Variants in FBXL13 observed in about 807,000 individuals in gnomAD.
FBXL13 encodes the protein F-box and leucine rich repeat protein 13, also known as F-box and leucine-rich repeat protein 13.
Under a neutral mutation model 83.6 loss-of-function variants are expected in FBXL13, and 67 were observed. The observed-to-expected ratio is 0.80, with a 90% CI of 0.66 to 0.98. FBXL13 has a LOEUF of 0.98. Ranked by LOEUF, FBXL13 falls within the 50% of genes least tolerant of loss-of-function variation. The pLI is 0.00. For synonymous variants in FBXL13, 272 were observed against 299.5 expected, an observed-to-expected ratio of 0.91 and a Z score of 0.95; for missense variants, 822 against 866.5, an observed-to-expected ratio of 0.95 and a Z score of 0.64.
At chr7:102,979,142 T>G (rs763055239) in intron 6 of FBXL13, among the ~76,000 whole-genome samples, 9 of 152,218 alleles carry the variant, frequency 5.9e-5, no homozygotes, top group Non-Finnish European at 8.8e-5. Flanking sequence ...AGTTAATTGC[T>G]CTGATCCAAA....
chr7:102,909,138 C>T (rs182437893), intron 11 of FBXL13, among the ~76,000 whole-genome samples: 7 of 152,312 alleles, frequency 4.6e-5, no homozygotes, highest in Admixed American at 2.6e-4. Context: ...ACTCTTCTGC[C>T]CCTTTCCAAA....
At chr7:103,001,181 A>C (rs1348295197) in intron 6 of FBXL13, among the ~76,000 whole-genome samples, 2 of 151,668 alleles carry the variant, frequency 1.3e-5, no homozygotes, top group African/African-American at 4.8e-5. Context: ...GGCTGGTCTC[A>C]AACTCCCAGG....
At chr7:102,841,241 A>G (rs1802878243) in intron 17 of FBXL13, among the ~76,000 whole-genome samples, 2 of 151,680 alleles carry the variant, frequency 1.3e-5, no homozygotes, top group African/African-American at 4.8e-5. Context: ...CCTTCAGACA[A>G]TCTGACAGTT....
intron 18 of FBXL13, among the ~76,000 whole-genome samples, chr7:102,828,176 T>A (rs1800066879): frequency 1.3e-5 from 2 of 152,176 alleles, no homozygotes; most frequent in African/African-American, 4.8e-5. Flanking sequence ...CCTTGGGCAG[T>A]ATGGCCATTT....
intron 2 of FBXL13, among the ~76,000 whole-genome samples, chr7:103,040,596 T>C (rs1228071919): frequency 6.6e-6 from 1 of 152,096 alleles, no homozygotes; most frequent in African/African-American, 2.4e-5. Context: ...TCACCAGATG[T>C]AAAAGAACAG....
intron 11 of FBXL13, among the ~76,000 whole-genome samples, chr7:102,909,404 G>A (rs1180030450): frequency 2.0e-5 from 3 of 152,110 alleles, no homozygotes; most frequent in Non-Finnish European, 2.9e-5. Context: ...CTGTGGCCGT[G>A]CTGGTATCTA....
chr7:103,040,799 T>C (rs1357556697), intron 2 of FBXL13, among the ~76,000 whole-genome samples: 1 of 152,232 alleles, frequency 6.6e-6, no homozygotes, highest in Non-Finnish European at 1.5e-5. Context: ...AGACACAATG[T>C]ACCAGAATCT....
chr7:102,937,041 C>A (rs565069604), intron 8 of FBXL13, among the ~76,000 whole-genome samples: 55 of 152,220 alleles, frequency 3.6e-4, no homozygotes, highest in Non-Finnish European at 7.8e-4. Flanking sequence ...CCCATAAATT[C>A]ATACCCCCTG....
upstream of FBXL13, chr7:103,074,757 C>G: frequency 3.1e-6 from 4 of 1,289,822 alleles, no homozygotes; most frequent in Non-Finnish European, 4.0e-6. Flanking sequence ...GTTGGCATTG[C>G]GTAGCGAGGC....
Position 102,858,991 on chromosome 7 carries a change from G to T in FBXL13, c.1636-4131C>A, listed in dbSNP as rs558572593. 7.2e-5 allele frequency among the ~76,000 whole-genome samples: 11 copies of T among 152,080 alleles called. 1 individual carries two copies. In the South Asian group the frequency reaches 2.3e-3, roughly 32 times the overall value. On this transcript the variant is annotated intron_variant, in intron 16 of 19. Transcript: ENST00000313221. ...TATACTTTAAATTGGTGAGTTTTAT[G>T]GTACATGAATTATGTCTCAATAAAA...
exon 4 of FBXL13, chr7:103,028,659 T>C (rs1794191728): frequency 6.2e-7 from 1 of 1,603,172 alleles, no homozygotes; most frequent in African/African-American, 1.3e-5. Flanking sequence ...TACAGATTTT[T>C]GAAGTCTGAA....
At chr7:102,835,407 A>G (rs148325846) in intron 17 of FBXL13, among the ~76,000 whole-genome samples, 5 of 152,330 alleles carry the variant, frequency 3.3e-5, no homozygotes, top group East Asian at 1.9e-4. Context: ...TGGAGATTCA[A>G]TAAAAATGCA....
chr7:103,030,329 C>T (rs1362361310), intron 2 of FBXL13, among the ~76,000 whole-genome samples: 1 of 152,184 alleles, frequency 6.6e-6, no homozygotes, highest in East Asian at 1.9e-4. Flanking sequence ...ATGTGAAAAT[C>T]CTCACTTTTG....
chr7:102,973,117 C>T (rs1456767559), intron 6 of FBXL13: 1 of 173,886 alleles, frequency 5.8e-6, no homozygotes, highest in African/African-American at 2.4e-5. Context: ...CATGATTTCA[C>T]TTCTATGTGA....
intron 7 of FBXL13, among the ~76,000 whole-genome samples, chr7:102,967,104 G>A (rs1417282637): frequency 6.6e-6 from 1 of 152,062 alleles, no homozygotes; most frequent in African/African-American, 2.4e-5. Flanking sequence ...CGAGTAGCTG[G>A]GACTACAGGC....
chr7:102,968,169 C>G (rs1053358386), intron 6 of FBXL13, 52 bp from the exon 8 acceptor site: 2 of 1,235,732 alleles, frequency 1.6e-6, no homozygotes, highest in African/African-American at 3.0e-5. Context: ...TTTGATGTAA[C>G]TTGTCCACTT....
intron 11 of FBXL13, among the ~76,000 whole-genome samples, chr7:102,903,948 T>TA (rs1486912507): frequency 4.2e-5 from 6 of 143,382 alleles, no homozygotes; most frequent in South Asian, 2.2e-4. Context: ...TCTTTTTTTT[T>TA]TTTTTTTTTT....
intron 11 of FBXL13, among the ~76,000 whole-genome samples, chr7:102,903,939 C>CTTTTTTTTTTTTTTTTTTTTT (rs1166655004): frequency 1.8e-3 from 77 of 43,426 alleles, no homozygotes; most frequent in Non-Finnish European, 2.4e-3. Flanking sequence ...CTTTTCTTTT[C>CTTTTTTTTTTTTTTTTTTTTT]TTTTTTTTTT....
At chr7:102,921,378 G>C (rs1403618461) in intron 10 of FBXL13, among the ~76,000 whole-genome samples, 1 of 151,994 alleles carries the variant, frequency 6.6e-6, no homozygotes, top group Non-Finnish European at 1.5e-5. Flanking sequence ...CAGAAATTTT[G>C]TTCTCTATAA....
Sources: gnomAD v4.1 joint callset for allele counts (sites outside exome capture counted in the v4.1 genomes callset) on GRCh38, gnomAD v4.1.1 for gene constraint, MANE v1.5 for transcripts, NCBI Gene and HGNC (gene_info 2026-07-23, HGNC 2026-07-21) for gene names.